The following NAALADL2 variants were observed in gnomAD, a reference collection of about 807,000 sequenced individuals.
NAALADL2 encodes N-acetylated alpha-linked acidic dipeptidase like 2, also known as inactive N-acetylated-alpha-linked acidic dipeptidase-like protein 2.
In NAALADL2, 76 loss-of-function variants were observed where a neutral mutation model predicts 87.2. The observed-to-expected ratio is 0.87, with a 90% CI of 0.72 to 1.05. The LOEUF (loss-of-function observed/expected upper bound fraction) is 1.05, where lower values mean the gene tolerates loss of function less well. Among genes scored for constraint, NAALADL2 ranks in the 50% least tolerant of loss-of-function variants. The pLI, the probability that NAALADL2 is intolerant of heterozygous loss-of-function variation, is 0.00. For synonymous variants in NAALADL2, 354 were observed against 331.0 expected (o/e 1.07, Z -0.75); for missense variants, 1,089 against 945.8 (o/e 1.15, Z -1.99).
intron 5 of NAALADL2, among the ~76,000 whole-genome samples, chr3:175,339,389 T>C (rs1762354639): frequency 6.6e-6 from 1 of 152,178 alleles, no homozygotes; most frequent in Non-Finnish European, 1.5e-5. Context: ...CCAATAATGA[T>C]TCACAATTTG....
At position 174,661,250 on chromosome 3, in the gene NAALADL2, A is replaced by G. The variant is rs146162765; in HGVS notation, c.-114-76391A>G. On this transcript the variant is annotated intron_variant, in intron 2 of 3. Coordinates refer to the NAALADL2 transcript ENST00000434257. ...TGATGTTACTTTTCATCAATAACGT[A>G]GAATATTGGCTTCCATTCTTAGAAA... Among the ~76,000 whole-genome samples the G allele has an allele frequency of 3.6e-4, 55 of 152,316 alleles. No individual in the cohort carries two copies. In the East Asian group the frequency reaches 9.3e-3, roughly 26 times the overall value.
intron 1 of NAALADL2, among the ~76,000 whole-genome samples, chr3:175,096,331 C>T (rs1468086602): frequency 3.3e-5 from 5 of 151,818 alleles, no homozygotes; most frequent in Non-Finnish European, 5.9e-5. Flanking sequence ...TTATTTTTTC[C>T]CTTTAACTTA....
intron 2 of NAALADL2, among the ~76,000 whole-genome samples, chr3:174,568,562 T>C (rs780274362): frequency 7.2e-5 from 11 of 151,904 alleles, no homozygotes; most frequent in Non-Finnish European, 1.3e-4. Context: ...GCATGATTAA[T>C]TGCTGAATGA....
At chr3:174,924,808 G>A (rs1271635995) in intron 1 of NAALADL2, among the ~76,000 whole-genome samples, 1 of 152,102 alleles carries the variant, frequency 6.6e-6, no homozygotes, top group African/African-American at 2.4e-5. Flanking sequence ...TTCTCTGATG[G>A]CCAGTGATGA....
intron 2 of NAALADL2, among the ~76,000 whole-genome samples, chr3:174,734,617 G>A (rs1168805366): frequency 6.6e-6 from 1 of 152,078 alleles, no homozygotes; most frequent in East Asian, 1.9e-4. Flanking sequence ...CCAACATCCG[G>A]TCCATAACAT....
intron 5 of NAALADL2, among the ~76,000 whole-genome samples, chr3:175,332,534 C>T (rs188170791): frequency 2.6e-3 from 396 of 152,288 alleles, no homozygotes; most frequent in Non-Finnish European, 4.5e-3. Context: ...TTCCTGGGCT[C>T]TAGCAGTCCT....
At chr3:174,605,977 A>G (rs1484607958) in intron 2 of NAALADL2, among the ~76,000 whole-genome samples, 3 of 152,184 alleles carry the variant, frequency 2.0e-5, no homozygotes, top group Non-Finnish European at 4.4e-5. Context: ...CAAAACTTCC[A>G]GAGGAACGAT....
chr3:174,730,098 CCTT>C (rs1420806813), intron 2 of NAALADL2, among the ~76,000 whole-genome samples: 1 of 152,024 alleles, frequency 6.6e-6, no homozygotes, highest in Admixed American at 6.6e-5. Flanking sequence ...CATTCTGTAA[CCTT>C]CTTAGCCTTT....
chr3:175,376,156 A>T (rs1387431161), intron 5 of NAALADL2, among the ~76,000 whole-genome samples: 1 of 152,134 alleles, frequency 6.6e-6, no homozygotes, highest in East Asian at 1.9e-4. Context: ...CTTTTAAAGA[A>T]ACTGAAAGAA....
At chr3:175,541,011 G>A (rs114347436) in intron 9 of NAALADL2, among the ~76,000 whole-genome samples, 2,817 of 152,182 alleles carry the variant, frequency 0.019, 84 homozygotes, top group African/African-American at 0.063. Context: ...AAATAACAGT[G>A]AATAGTGAAA....
chr3:175,342,653 ACT>A (rs1433350007), intron 5 of NAALADL2, among the ~76,000 whole-genome samples: 3 of 152,040 alleles, frequency 2.0e-5, no homozygotes, highest in South Asian at 4.1e-4. Flanking sequence ...TGTAATAGTG[ACT>A]CTGACTTTCT....
chr3:175,327,148 C>CTTTTTTTTTTTTTTTTTTTT (rs35198621), intron 5 of NAALADL2, among the ~76,000 whole-genome samples: 1 of 99,514 alleles, frequency 1.0e-5, no homozygotes, highest in Non-Finnish European at 1.9e-5. Flanking sequence ...GTCTACATTT[C>CTTTTTTTTTTTTTTTTTTTT]TTTTTTTTTT....
chr3:175,001,730 C>T (rs1367730634), intron 1 of NAALADL2, among the ~76,000 whole-genome samples: 1 of 152,020 alleles, frequency 6.6e-6, no homozygotes, highest in Admixed American at 6.6e-5. Flanking sequence ...AAAAAAAAAT[C>T]AGATGCTCAG....
chr3:175,437,559 C>G (rs6787103), intron 5 of NAALADL2, among the ~76,000 whole-genome samples: 87,940 of 122,662 alleles, frequency 0.72, 30,196 homozygotes, highest in Middle Eastern at 0.84. Context: ...CCATCCCCAT[C>G]AAGCTACCAA....
chr3:175,437,679 C>T (rs961521585), intron 5 of NAALADL2, among the ~76,000 whole-genome samples: 13 of 151,592 alleles, frequency 8.6e-5, no homozygotes, highest in Admixed American at 2.6e-4. Flanking sequence ...CTGGAGGCAT[C>T]ACACTACCTG....
chr3:175,607,901 A>ACG (rs200965020), intron 10 of NAALADL2, among the ~76,000 whole-genome samples: 904 of 58,960 alleles, frequency 0.015, 6 homozygotes, highest in African/African-American at 0.044. Context: ...GACATGGAAC[A>ACG]CACACACACA....
intron 1 of NAALADL2, among the ~76,000 whole-genome samples, chr3:175,031,938 C>T (rs773987496): frequency 6.6e-6 from 1 of 151,994 alleles, no homozygotes; most frequent in Non-Finnish European, 1.5e-5. Flanking sequence ...TATTCATATC[C>T]TTTGCCCAGT....
At chr3:174,492,129 G>A (rs183906677) in intron 1 of NAALADL2, among the ~76,000 whole-genome samples, 1 of 152,124 alleles carries the variant, frequency 6.6e-6, no homozygotes, top group East Asian at 1.9e-4. Context: ...AATTAGCCGG[G>A]TGTGGTGGCG....
chr3:175,375,713 C>T (rs947291141), intron 5 of NAALADL2, among the ~76,000 whole-genome samples: 1 of 152,094 alleles, frequency 6.6e-6, no homozygotes, highest in Non-Finnish European at 1.5e-5. Context: ...GCTTTATCTA[C>T]TTTGACAATT....
Sources: allele counts gnomAD v4.1 joint callset (sites outside exome capture counted in the v4.1 genomes callset), GRCh38; gene constraint gnomAD v4.1.1; transcripts MANE v1.5; gene names NCBI Gene and HGNC (gene_info 2026-07-23, HGNC 2026-07-21).